The following CCDC85C variants were observed in gnomAD, a reference collection of about 807,000 sequenced individuals.
CCDC85C encodes the protein coiled-coil domain containing 85C, also known as coiled-coil domain-containing protein 85C.
A neutral mutation model predicts 38.3 loss-of-function variants in CCDC85C; 18 were observed. The observed-to-expected ratio is 0.47, with a 90% CI of 0.33 to 0.70. The LOEUF is 0.70. Ranked by LOEUF, CCDC85C falls within the 30% of genes least tolerant of loss-of-function variation. The probability of loss-of-function intolerance (pLI) is 0.03; values close to 1 mark genes in which losing one functional copy is unlikely to be tolerated. For missense variants in CCDC85C, 566 were observed against 621.2 expected (o/e 0.91, Z 0.94); for synonymous variants, 264 against 293.8 (o/e 0.90, Z 1.04).
intron 1 of CCDC85C, among the ~76,000 whole-genome samples, chr14:99,540,978 G>A (rs920241047): frequency 7.9e-5 from 12 of 152,200 alleles, no homozygotes; most frequent in Non-Finnish European, 1.3e-4. Context: ...CAGGGGCTGG[G>A]TGGTATTCCC....
rs751959442 is a variant in CCDC85C at position 99,510,398 on chromosome 14, C to G, written c.*4848G>C. The G allele has an allele frequency of 1.3e-6, 2 of 1,564,192 alleles. No homozygotes were observed. The highest frequency in any genetic ancestry group is 1.7e-6 in the Non-Finnish European group (2 of 1,155,648). ...AGAGCCTGCAGTCCATGATGAAGACCGAGGGACCCTCCTACGGTGCCCTGC... is the reference window on the plus strand; with the variant it reads ...AGAGCCTGCAGTCCATGATGAAGACGGAGGGACCCTCCTACGGTGCCCTGC... On this transcript the variant is annotated 3_prime_UTR_variant, in exon 6 of 6. Coordinates refer to ENST00000380243, the MANE Select transcript of CCDC85C (RefSeq NM_001144995.2).
chr14:99,583,764 C>T (rs868754332), intron 1 of CCDC85C, among the ~76,000 whole-genome samples: 8 of 149,188 alleles, frequency 5.4e-5, no homozygotes, highest in African/African-American at 1.5e-4. Flanking sequence ...GCCGAGATCG[C>T]GTCACTGCGC....
chr14:99,593,017 G>A (rs2055104294), intron 1 of CCDC85C, among the ~76,000 whole-genome samples: 1 of 152,230 alleles, frequency 6.6e-6, no homozygotes, highest in Non-Finnish European at 1.5e-5. Flanking sequence ...ACCAGCCGCT[G>A]AGGGATATTA....
At chr14:99,525,430 C>G (rs941393477) in intron 2 of CCDC85C, among the ~76,000 whole-genome samples, 4 of 152,234 alleles carry the variant, frequency 2.6e-5, no homozygotes, top group Non-Finnish European at 5.9e-5. Flanking sequence ...CCACCCCAGC[C>G]TGCCCACCTG....
At chr14:99,522,920 G>C (rs1325939573) in intron 2 of CCDC85C, 1 of 152,324 alleles carries the variant, frequency 6.6e-6, no homozygotes, top group Non-Finnish European at 1.5e-5. Context: ...TTGGGGCTGG[G>C]GCTGGGACCA....
chr14:99,574,538 G>T (rs763603698), intron 1 of CCDC85C, among the ~76,000 whole-genome samples: 48 of 152,256 alleles, frequency 3.2e-4, no homozygotes, highest in Non-Finnish European at 5.7e-4. Context: ...GGGCAGGGAG[G>T]CAATAAAGCT....
In CCDC85C at chr14:99,588,086, G is replaced by A. The variant is rs1041568356; in HGVS notation, c.793+15081C>T. Among the ~76,000 whole-genome samples, 1 of 152,064 alleles carries A rather than the reference G, an allele frequency of 6.6e-6. No individual in the cohort carries two copies. ...CAGGCCTGCACAGGCCTCCTGGGCC[G>A]GATTCCCCACTGGGTCTGTCGTCCC... On this transcript the variant is annotated intron_variant, in intron 1 of 5. Transcript: ENST00000380243. This position sits in a 1 kb window ranked among gnomAD's most constrained non-coding sequence, Gnocchi z 5.0.
chr14:99,586,484 C>A (rs1400637678), intron 1 of CCDC85C, among the ~76,000 whole-genome samples: 1 of 152,226 alleles, frequency 6.6e-6, no homozygotes, highest in African/African-American at 2.4e-5. Flanking sequence ...GAGCACCACA[C>A]TAGGGAACCC....
Position 99,501,199 on chromosome 14 carries a change from G to A in CCDC85C, c.*14047C>T, listed in dbSNP as rs1458364539. ...GGTCATGAGGAGGAAGAAGGGGTAG[G>A]ATGTGGACCCACATCATTCATCCTT... On this transcript the variant is annotated 3_prime_UTR_variant, in exon 6 of 6. Transcript: ENST00000380243. The A allele has an allele frequency of 4.7e-6, 3 of 638,336 alleles. No homozygotes were observed. Among genetic ancestry groups the A allele is most frequent in the African/African-American group, 1.8e-5 (1 of 55,036 alleles). The allele number at this position is 638,336 out of a possible 1,614,324, so 39.5% of individuals were successfully genotyped here. A position where few individuals can be genotyped will look rare whatever the true frequency, so the allele number is the denominator to read the frequency against.
chr14:99,503,763 C>A lies in CCDC85C; in HGVS notation c.*11483G>T. 1 of 821,678 alleles carries A rather than the reference C, an allele frequency of 1.2e-6. No homozygotes were observed. The highest frequency in any genetic ancestry group is 1.7e-5 in the South Asian group (1 of 57,950). The allele number at this position is 821,678 out of a possible 1,614,324, so 50.9% of individuals were successfully genotyped here. A position where few individuals can be genotyped will look rare whatever the true frequency, so the allele number is the denominator to read the frequency against. ...GGCCTTAAATCTTAACTTTAGAGCT[C>A]ATACAAAACTTTTCCATCAGCATTG... On this transcript the variant is annotated 3_prime_UTR_variant, in exon 6 of 6. Coordinates refer to ENST00000380243, the MANE Select transcript of CCDC85C (RefSeq NM_001144995.2).
Position 99,501,802 on chromosome 14 carries a change from AC to A in CCDC85C, c.*13443del. ...ATCTAATGAGGGGCCGTGGTGGGAA[AC>A]AGAATGCCTGTGAATGGAGTTGCTG... On this transcript the variant is annotated 3_prime_UTR_variant, in exon 6 of 6. Transcript: ENST00000380243. 1 of 232,634 alleles carries A rather than the reference AC, an allele frequency of 4.3e-6. No homozygotes were observed. Among genetic ancestry groups the A allele is most frequent in the Non-Finnish European group, 8.3e-6 (1 of 120,348 alleles). The allele number at this position is 232,634 out of a possible 1,614,324, so 14.4% of individuals were successfully genotyped here.
At chr14:99,594,785 A>T (rs893015173) in intron 1 of CCDC85C, among the ~76,000 whole-genome samples, 6 of 152,196 alleles carry the variant, frequency 3.9e-5, no homozygotes, top group African/African-American at 1.4e-4. Context: ...TTGGGTCTCA[A>T]GTGGGCTGAA....
At chr14:99,523,265 A>C (rs1045606636) in intron 2 of CCDC85C, among the ~76,000 whole-genome samples, 3 of 152,006 alleles carry the variant, frequency 2.0e-5, no homozygotes, top group Non-Finnish European at 2.9e-5. Context: ...TCCCAGTTCC[A>C]CTCACCAGCC....
chr14:99,523,244 C>T (rs79936917), intron 2 of CCDC85C, among the ~76,000 whole-genome samples: 2,011 of 152,306 alleles, frequency 0.013, 41 homozygotes, highest in African/African-American at 0.045. Context: ...AGGCTGCAGC[C>T]ATGTCTGGGG....
intron 1 of CCDC85C, among the ~76,000 whole-genome samples, chr14:99,551,719 G>A (rs987418905): frequency 3.3e-5 from 5 of 151,540 alleles, no homozygotes; most frequent in African/African-American, 1.2e-4. Flanking sequence ...GCAGGTGGGT[G>A]GGCAGATGGG....
chr14:99,540,097 G>A (rs1359183478), intron 1 of CCDC85C, among the ~76,000 whole-genome samples: 5 of 152,028 alleles, frequency 3.3e-5, no homozygotes, highest in Admixed American at 2.0e-4. Context: ...GCAGTGAGCC[G>A]AGATCACGCC....
At position 99,503,576 on chromosome 14, in the gene CCDC85C, C is replaced by T; in HGVS notation, c.*11670G>A. On this transcript the variant is annotated 3_prime_UTR_variant, in exon 6 of 6. Transcript: ENST00000380243. ...ATTTTTTTCTCATCATACTCAGGAT[C>T]CCAGTTAACAATTGTGTATTTTCTT... The T allele has an allele frequency of 6.5e-7, 1 of 1,537,952 alleles. No individual in the cohort carries two copies. The highest frequency in any genetic ancestry group is 8.8e-7 in the Non-Finnish European group (1 of 1,135,710).
At chr14:99,591,146 C>A (rs2055081075) in intron 1 of CCDC85C, among the ~76,000 whole-genome samples, 2 of 152,222 alleles carry the variant, frequency 1.3e-5, no homozygotes, top group South Asian at 2.1e-4. Context: ...GATGTCCAAT[C>A]TGTCCCCACC....
intron 5 of CCDC85C, 25 bp from the exon 6 acceptor site, chr14:99,515,360 T>C: frequency 3.3e-6 from 5 of 1,530,356 alleles, no homozygotes; most frequent in Non-Finnish European, 4.4e-6. Flanking sequence ...GAGATGTGAG[T>C]GGTGGGACTC....
Sources: gnomAD v4.1 joint callset for allele counts (sites outside exome capture counted in the v4.1 genomes callset) on GRCh38, gnomAD v4.1.1 for gene constraint, Gnocchi (gnomAD v3.1) non-coding constraint, MANE v1.5 for transcripts, NCBI Gene and HGNC (gene_info 2026-07-23, HGNC 2026-07-21) for gene names.